Variants in KCNN2 observed in about 807,000 individuals in gnomAD.
KCNN2 encodes the protein small conductance calcium-activated potassium channel protein 2.
In KCNN2, 24 loss-of-function variants were observed where a neutral mutation model predicts 55.5. The observed-to-expected ratio is 0.43, with a 90% CI of 0.31 to 0.61. The LOEUF (loss-of-function observed/expected upper bound fraction) is 0.61. Among genes scored for constraint, KCNN2 ranks in the 20% least tolerant of loss-of-function variants. The probability of loss-of-function intolerance (pLI) is 0.08; values close to 1 mark genes in which losing one functional copy is unlikely to be tolerated. For missense variants in KCNN2, 754 were observed against 853.6 expected (o/e 0.88, Z 1.45); for synonymous variants, 431 against 336.1 (o/e 1.28, Z -3.09).
intron 1 of KCNN2, among the ~76,000 whole-genome samples, chr5:114,212,332 C>T (rs1185196080): frequency 6.6e-6 from 1 of 151,900 alleles, no homozygotes; most frequent in South Asian, 2.1e-4. Context: ...GTGTGGCATG[C>T]TGATGATAGG....
intron 2 of KCNN2, among the ~76,000 whole-genome samples, chr5:114,267,353 T>G (rs1755231554): frequency 1.3e-5 from 2 of 152,156 alleles, no homozygotes. Flanking sequence ...CATCTCTGGA[T>G]CTATTTGCTA....
intron 2 of KCNN2, among the ~76,000 whole-genome samples, chr5:114,264,353 C>A (rs2150005517): frequency 6.6e-6 from 1 of 152,244 alleles, no homozygotes; most frequent in East Asian, 1.9e-4. Flanking sequence ...CCTTCCATGG[C>A]ATTCTGCTTG....
intron 2 of KCNN2, among the ~76,000 whole-genome samples, chr5:114,337,119 G>A (rs1394129827): frequency 6.6e-6 from 1 of 152,098 alleles, no homozygotes; most frequent in East Asian, 1.9e-4. Context: ...AGTCATCAAA[G>A]AAAAAGGGGA....
At chr5:114,493,357 C>T in intron 6 of KCNN2, 46 bp from the exon 7 acceptor site, 1 of 1,163,036 alleles carries the variant, frequency 8.6e-7, no homozygotes, top group Non-Finnish European at 1.3e-6. Context: ...CATAAGATTG[C>T]CATAGGAAGA....
chr5:114,104,419 A>T (rs1373059671), intron 1 of KCNN2, among the ~76,000 whole-genome samples: 1 of 151,780 alleles, frequency 6.6e-6, no homozygotes, highest in African/African-American at 2.4e-5. Context: ...TGTCTCTATC[A>T]GTTCTGCTTT....
At chr5:114,460,998 G>A (rs1286548283) in intron 3 of KCNN2, among the ~76,000 whole-genome samples, 1 of 152,096 alleles carries the variant, frequency 6.6e-6, no homozygotes, top group South Asian at 2.1e-4. Flanking sequence ...TGCTTGGTGA[G>A]GAATACTTAC....
intron 1 of KCNN2, among the ~76,000 whole-genome samples, chr5:114,087,631 G>A (rs1751044839): frequency 6.6e-6 from 1 of 151,920 alleles, no homozygotes; most frequent in Non-Finnish European, 1.5e-5. Flanking sequence ...TGATATGGTT[G>A]TGTTTATATC....
chr5:114,118,094 T>G (rs1379444214), intron 1 of KCNN2, among the ~76,000 whole-genome samples: 1 of 152,166 alleles, frequency 6.6e-6, no homozygotes, highest in African/African-American at 2.4e-5. Context: ...CTAGCACAAC[T>G]GTACAGCTAC....
Position 114,114,204 on chromosome 5 carries a change from G to T in KCNN2, c.-271+57704G>T, listed in dbSNP as rs1751665469. Among the ~76,000 whole-genome samples the T allele has an allele frequency of 2.0e-5, 3 of 151,914 alleles. No homozygotes were observed. The South Asian group carries it at 6.2e-4, about 32-fold the overall frequency. ...ATGCAGACTCTTCTTCTTCTTCCTG[G>T]ACTGCACTGGTGGAATTCACTTACT... On this transcript the variant is annotated intron_variant, in intron 1 of 10. Transcript: ENST00000512097.
At chr5:114,335,116 G>C (rs914246429) in intron 2 of KCNN2, among the ~76,000 whole-genome samples, 9 of 152,052 alleles carry the variant, frequency 5.9e-5, no homozygotes, top group Admixed American at 5.3e-4. Flanking sequence ...GTAGAGACGG[G>C]GTTTCACCGT....
intron 2 of KCNN2, among the ~76,000 whole-genome samples, chr5:114,234,078 C>T (rs1417990731): frequency 6.6e-6 from 1 of 151,250 alleles, no homozygotes; most frequent in Non-Finnish European, 1.5e-5. Flanking sequence ...TGATTTTTTC[C>T]TCACCTAGTT....
At chr5:114,272,626 A>G (rs1755378834) in intron 2 of KCNN2, among the ~76,000 whole-genome samples, 2 of 152,144 alleles carry the variant, frequency 1.3e-5, no homozygotes, top group Non-Finnish European at 2.9e-5. Context: ...TGTTGTCAAT[A>G]AGTAAATATT....
intron 2 of KCNN2, among the ~76,000 whole-genome samples, chr5:114,272,555 G>A (rs563946061): frequency 7.1e-4 from 108 of 152,084 alleles, no homozygotes; most frequent in Non-Finnish European, 1.1e-3. Flanking sequence ...TTTTGAAAGG[G>A]CTAATACTAA....
At chr5:114,112,363 G>T (rs541449125) in intron 1 of KCNN2, among the ~76,000 whole-genome samples, 6 of 152,136 alleles carry the variant, frequency 3.9e-5, no homozygotes, top group Non-Finnish European at 8.8e-5. Flanking sequence ...GGCATTAAGA[G>T]AAATACCTAA....
intron 4 of KCNN2, among the ~76,000 whole-genome samples, chr5:114,469,900 A>AAAAT: frequency 6.6e-6 from 1 of 152,302 alleles, no homozygotes; most frequent in East Asian, 1.9e-4. Flanking sequence ...TTTCTTCACT[A>AAAAT]AAATAAACAG....
chr5:114,442,214 A>G (rs1302367229), intron 3 of KCNN2, among the ~76,000 whole-genome samples: 2 of 151,574 alleles, frequency 1.3e-5, no homozygotes, highest in Non-Finnish European at 2.9e-5. Flanking sequence ...CTCTCAGTGC[A>G]TCACCATTAC....
chr5:114,441,110 A>G (rs1760190940), intron 3 of KCNN2, among the ~76,000 whole-genome samples: 1 of 152,202 alleles, frequency 6.6e-6, no homozygotes, highest in Non-Finnish European at 1.5e-5. Context: ...TCACTACATA[A>G]TGTAAACTGC....
At chr5:114,158,158 T>C (rs1752681818) in intron 1 of KCNN2, among the ~76,000 whole-genome samples, 2 of 152,200 alleles carry the variant, frequency 1.3e-5, no homozygotes, top group Admixed American at 6.5e-5. Flanking sequence ...AAGTCTTTAA[T>C]CCATCTTGAA....
intron 1 of KCNN2, among the ~76,000 whole-genome samples, chr5:114,115,485 T>C (rs528565299): frequency 6.6e-6 from 1 of 152,214 alleles, no homozygotes; most frequent in South Asian, 2.1e-4. Context: ...AAATCCTACC[T>C]AATCGCTTGG....
Sources: allele counts gnomAD v4.1 joint callset (sites outside exome capture counted in the v4.1 genomes callset), GRCh38; gene constraint gnomAD v4.1.1; transcripts MANE v1.5; gene names NCBI Gene and HGNC (gene_info 2026-07-23, HGNC 2026-07-21).